Variants in PLEKHG3 observed in about 807,000 individuals in gnomAD.
PLEKHG3 encodes the protein pleckstrin homology and RhoGEF domain containing G3, also known as pleckstrin homology domain-containing family G member 3.
Under a neutral mutation model 94.9 loss-of-function variants are expected in PLEKHG3, and 62 were observed. The ratio of observed to expected loss-of-function variants is 0.65; its 90% CI spans 0.53 to 0.81. The LOEUF (loss-of-function observed/expected upper bound fraction) is 0.81, where lower values mean the gene tolerates loss of function less well. Ranked by LOEUF, PLEKHG3 falls within the 30% of genes least tolerant of loss-of-function variation. The pLI is 0.00. For missense variants in PLEKHG3, 1,461 were observed against 1,619.3 expected (o/e 0.90, Z 1.68); for synonymous variants, 614 against 654.0 (o/e 0.94, Z 0.93).
At chr14:64,707,935 G>A (rs229659) in intron 1 of PLEKHG3, among the ~76,000 whole-genome samples, 23,766 of 152,206 alleles carry the variant, frequency 0.16, 2,005 homozygotes, top group African/African-American at 0.2. Context: ...GTGAGATAAC[G>A]TATGTTGAAT....
Position 64,749,545 on chromosome 14 carries a change from T to C in PLEKHG3, c.*5842T>C. 1 of 1,601,044 alleles carries C rather than the reference T, an allele frequency of 6.2e-7. No individual in the cohort carries two copies. The highest frequency in any genetic ancestry group is 1.1e-5 in the South Asian group (1 of 90,746). On this transcript the variant is annotated 3_prime_UTR_variant, in exon 17 of 17. Coordinates refer to ENST00000247226, the MANE Select transcript of PLEKHG3 (RefSeq NM_001308147.2). The surrounding 1 kb of genome is among the most constrained non-coding windows in gnomAD (Gnocchi z 4.7). Reference sequence around the variant, plus strand: ...CACCTCCCGGGCCAGGCAACAATGGTGGGGGCTCTTGGGACTGCCCCTTCT... The same window carrying C: ...CACCTCCCGGGCCAGGCAACAATGGCGGGGGCTCTTGGGACTGCCCCTTCT...
At chr14:64,737,917 G>T in intron 14 of PLEKHG3, 2 of 1,215,920 alleles carry the variant, frequency 1.6e-6, no homozygotes, top group Non-Finnish European at 2.1e-6. Flanking sequence ...CGTACTCGGG[G>T]CCTGCAGCCA....
intron 1 of PLEKHG3, among the ~76,000 whole-genome samples, chr14:64,709,335 G>C (rs1378966572): frequency 6.6e-6 from 1 of 152,204 alleles, no homozygotes; most frequent in Non-Finnish European, 1.5e-5. Flanking sequence ...TAGGTGGGCT[G>C]TTGCCATCTG....
At position 64,717,427 on chromosome 14, in the gene PLEKHG3, T is replaced by C. The variant is rs1354850888; in HGVS notation, c.-39-10166T>C. On this transcript the variant is annotated intron_variant, in intron 1 of 16. Coordinates refer to ENST00000247226, the MANE Select transcript of PLEKHG3 (RefSeq NM_001308147.2). The surrounding 1 kb of genome is among the most constrained non-coding windows in gnomAD (Gnocchi z 4.7). ...CCTCCAAGCCACCATTCTGATGGGC[T>C]TGGGAAGGGAAAGTGAGAACTGGGG... Among the ~76,000 whole-genome samples the C allele has an allele frequency of 6.6e-6, 1 of 152,084 alleles. No individual in the cohort carries two copies. Among genetic ancestry groups the C allele is most frequent in the African/African-American group, 2.4e-5 (1 of 41,414 alleles).
chr14:64,718,942 G>A lies in PLEKHG3; in HGVS notation c.-39-8651G>A, dbSNP rs2081216105. ...CAGGCCTGCGGTGCCCCCTGGCCCTGTTTCTCTCCAGCTCCCAGTAGTACA... is the reference window on the plus strand; with the variant it reads ...CAGGCCTGCGGTGCCCCCTGGCCCTATTTCTCTCCAGCTCCCAGTAGTACA... On this transcript the variant is annotated intron_variant, in intron 1 of 16. Transcript: ENST00000247226. The surrounding 1 kb of genome is among the most constrained non-coding windows in gnomAD (Gnocchi z 5.0). Among the ~76,000 whole-genome samples, 1 of 152,182 alleles carries A rather than the reference G, an allele frequency of 6.6e-6. No individual in the cohort carries two copies. The highest frequency in any genetic ancestry group is 1.5e-5 in the Non-Finnish European group (1 of 68,034).
In PLEKHG3 at chr14:64,745,733, C is replaced by A; in HGVS notation, c.*2030C>A. ...AGGTTGTCACTAGCCTCTGATCTTC[C>A]CTTGAAGAACCCGACTGGGGCTCTT... On this transcript the variant is annotated 3_prime_UTR_variant, in exon 17 of 17. Transcript: ENST00000247226. The surrounding 1 kb of genome is among the most constrained non-coding windows in gnomAD (Gnocchi z 5.0). The A allele has an allele frequency of 6.6e-6, 1 of 152,390 alleles. No homozygotes were observed. The highest frequency in any genetic ancestry group is 1.5e-5 in the Non-Finnish European group (1 of 68,066). 9.4% of individuals were successfully genotyped at this position (152,390 alleles called of 1,614,324 possible).
rs1485421809 is a variant in PLEKHG3, at chr14:64,733,045, G to A, written c.1345+144G>A. On this transcript the variant is annotated intron_variant, in intron 12 of 16. Coordinates refer to ENST00000247226, the MANE Select transcript of PLEKHG3 (RefSeq NM_001308147.2). ...CTAGAGCGGGGCTGGACACACACCT[G>A]GGGCTCATCCTCTCCCTGTGCTGGT... The A allele has an allele frequency of 4.0e-5, 24 of 598,734 alleles. No individual in the cohort carries two copies. In the East Asian group the frequency reaches 5.7e-4, roughly 14 times the overall value. The allele number at this position is 598,734 out of a possible 1,614,324, so 37.1% of individuals were successfully genotyped here.
chr14:64,719,872 C>CT (rs2081234091), intron 1 of PLEKHG3, among the ~76,000 whole-genome samples: 2 of 152,204 alleles, frequency 1.3e-5, no homozygotes, highest in African/African-American at 4.8e-5. Context: ...AGCAGCGGTC[C>CT]TGTGAACCTT....
In PLEKHG3 at chr14:64,743,385, A is replaced by G. The variant is rs2081760821; in HGVS notation, c.3342A>G (p.Gln1114=). 1.2e-6 allele frequency: 2 copies of G among 1,608,404 alleles called. No homozygotes were observed. The highest frequency in any genetic ancestry group is 1.3e-5 in the African/African-American group (1 of 74,842). Residue 1114 remains glutamine (Q), a synonymous_variant, in exon 17 of 17, where the codon CAA becomes CAG. Transcript: ENST00000247226. The surrounding 1 kb of genome is among the most constrained non-coding windows in gnomAD (Gnocchi z 7.2). The stretch of plus-strand genomic sequence containing the variant: ...GCCGGGGAGGCGGAGAGGCTGCCCA[A>G]TCCCCTGGGCCTCTGCCCCAGAGCA... ...KRGRGGGEAA[Q]SPGPLPQSKP... is the part of the protein sequence containing the mutation.
In PLEKHG3 at chr14:64,730,814, G is replaced by T. The variant is rs1452093143; in HGVS notation, c.582G>T (p.Leu194=). The change falls in exon 6 of 17, where the codon CTG becomes CTT. Residue 194 remains leucine (L), a synonymous_variant. Transcript: ENST00000247226. The surrounding 1 kb of genome is among the most constrained non-coding windows in gnomAD (Gnocchi z 5.4). ...CNNYPNSVAA[L]TECMRDKQQA... ...CCACTCCCAGCTCCGTGGCCGCCCTGACGGAATGCATGCGGGACAAGCAGC... is the reference window on the plus strand; with the variant it reads ...CCACTCCCAGCTCCGTGGCCGCCCTTACGGAATGCATGCGGGACAAGCAGC... 4.3e-6 allele frequency: 7 copies of T among 1,613,488 alleles called. No homozygotes were observed. Among genetic ancestry groups the T allele is most frequent in the Non-Finnish European group, 5.1e-6 (6 of 1,179,848 alleles).
Position 64,739,629 on chromosome 14 carries a change from A to G in PLEKHG3, c.1518+774A>G, listed in dbSNP as rs1049404645. Among the ~76,000 whole-genome samples the G allele has an allele frequency of 1.3e-5, 2 of 152,250 alleles. No homozygotes were observed. The stretch of plus-strand genomic sequence containing the variant: ...CAAAATCCCTTACTGCTACGTGGGT[A>G]GCTTAGTTATTGCTCACAGTTTTGG... On this transcript the variant is annotated intron_variant, in intron 15 of 16. Transcript: ENST00000247226. The surrounding 1 kb of genome is among the most constrained non-coding windows in gnomAD (Gnocchi z 4.1).
Position 64,743,658 on chromosome 14 carries a change from G to T in PLEKHG3, c.3615G>T (p.Val1205=). The change falls in exon 17 of 17, where the codon GTG becomes GTT. Residue 1205 remains valine (V), a synonymous_variant. Coordinates refer to ENST00000247226, the MANE Select transcript of PLEKHG3 (RefSeq NM_001308147.2). This position sits in a 1 kb window ranked among gnomAD's most constrained non-coding sequence, Gnocchi z 7.2. ...CAGACCCGAGCCAGCAGGGCAGAGT[G>T]AGAAACCTTAGAGAGAAGTTCCAGG... ...DPADPSQQGR[V]RNLREKFQAL... is the part of the protein sequence containing the mutation. 1 of 1,604,492 alleles carries T rather than the reference G, an allele frequency of 6.2e-7. No homozygotes were observed. Among genetic ancestry groups the T allele is most frequent in the South Asian group, 1.1e-5 (1 of 90,296 alleles).
chr14:64,750,081 G>C lies in PLEKHG3; in HGVS notation c.*6378G>C, dbSNP rs773116395. 6.2e-7 allele frequency: 1 copy of C among 1,614,186 alleles called. No individual in the cohort carries two copies. The highest frequency in any genetic ancestry group is 8.5e-7 in the Non-Finnish European group (1 of 1,180,034). The stretch of plus-strand genomic sequence containing the variant: ...TCCTCCCCATGGTAGGGCATCCCCA[G>C]GGCCAGGTTCTTGGCATCCTTGTAG... On this transcript the variant is annotated 3_prime_UTR_variant, in exon 17 of 17. Coordinates refer to ENST00000247226, the MANE Select transcript of PLEKHG3 (RefSeq NM_001308147.2).
In PLEKHG3 at chr14:64,748,427, G is replaced by A. The variant is rs1455868706; in HGVS notation, c.*4724G>A. 1 of 152,362 alleles carries A rather than the reference G, an allele frequency of 6.6e-6. No homozygotes were observed. Among genetic ancestry groups the A allele is most frequent in the Non-Finnish European group, 1.5e-5 (1 of 68,168 alleles). 9.4% of individuals were successfully genotyped at this position (152,362 alleles called of 1,614,324 possible). On this transcript the variant is annotated 3_prime_UTR_variant, in exon 17 of 17. Coordinates refer to ENST00000247226, the MANE Select transcript of PLEKHG3 (RefSeq NM_001308147.2). Reference sequence around the variant, plus strand: ...GAGGGTCCCAGCATTGAGAGGGAGAGCCTTAGGCAGTGTTGTGACGCACCT... The same window carrying A: ...GAGGGTCCCAGCATTGAGAGGGAGAACCTTAGGCAGTGTTGTGACGCACCT...
rs1286970013 is a variant in PLEKHG3, at chr14:64,720,389, AG to A, written c.-39-7202del. On this transcript the variant is annotated intron_variant, in intron 1 of 16. Transcript: ENST00000247226. This position sits in a 1 kb window ranked among gnomAD's most constrained non-coding sequence, Gnocchi z 4.1. ...GCAGTGACTAATGTGGAGACTCATT[AG>A]GCTAGGAGGAACTGGCTTTGGTCTT... 6.6e-6 allele frequency among the ~76,000 whole-genome samples: 1 copy of A among 152,212 alleles called. No homozygotes were observed. The highest frequency in any genetic ancestry group is 1.9e-4 in the East Asian group (1 of 5,192).
chr14:64,728,851 A>G lies in PLEKHG3; in HGVS notation c.352-145A>G. 2.0e-6 allele frequency: 1 copy of G among 511,384 alleles called. No homozygotes were observed. The allele number at this position is 511,384 out of a possible 1,614,324, so 31.7% of individuals were successfully genotyped here. On this transcript the variant is annotated intron_variant, in intron 2 of 16. Coordinates refer to ENST00000247226, the MANE Select transcript of PLEKHG3 (RefSeq NM_001308147.2). The surrounding 1 kb of genome is among the most constrained non-coding windows in gnomAD (Gnocchi z 5.9). ...AGTCACATTCTGGGGTTCCAAGTGG[A>G]CATGAATTTTGGGGTGGACACTGTC...
chr14:64,722,292 G>C lies in PLEKHG3; in HGVS notation c.-39-5301G>C, dbSNP rs1463248756. On this transcript the variant is annotated intron_variant, in intron 1 of 16. Coordinates refer to ENST00000247226, the MANE Select transcript of PLEKHG3 (RefSeq NM_001308147.2). The surrounding 1 kb of genome is among the most constrained non-coding windows in gnomAD (Gnocchi z 4.3). ...TGCAGTGGTGCGATCTCAGCTCACT[G>C]CAACCTCCTGGGTTCAAGCAATTCT... 6.6e-6 allele frequency among the ~76,000 whole-genome samples: 1 copy of C among 152,090 alleles called. No individual in the cohort carries two copies. Among genetic ancestry groups the C allele is most frequent in the Non-Finnish European group, 1.5e-5 (1 of 67,986 alleles).
At position 64,750,246 on chromosome 14, in the gene PLEKHG3, C is replaced by T; in HGVS notation, c.*6543C>T. 7.7e-7 allele frequency: 1 copy of T among 1,298,336 alleles called. No homozygotes were observed. Among genetic ancestry groups the T allele is most frequent in the Non-Finnish European group, 1.1e-6 (1 of 944,818 alleles). 80.4% of individuals were successfully genotyped at this position (1,298,336 alleles called of 1,614,324 possible). ...GCTTCACCATTAAAAAAAATTACAC[C>T]ATGTTTGTTCTGATACATAGTAACA... On this transcript the variant is annotated 3_prime_UTR_variant, in exon 17 of 17. Transcript: ENST00000247226.
At chr14:64,734,039 G>T (rs2139387414) in intron 12 of PLEKHG3, among the ~76,000 whole-genome samples, 1 of 152,302 alleles carries the variant, frequency 6.6e-6, no homozygotes, top group South Asian at 2.1e-4. Context: ...GTTGGGTTTT[G>T]ATTGGTGATG....
Sources: gnomAD v4.1 joint callset for allele counts (sites outside exome capture counted in the v4.1 genomes callset) on GRCh38, gnomAD v4.1.1 for gene constraint, Gnocchi (gnomAD v3.1) non-coding constraint, MANE v1.5 for transcripts, NCBI Gene and HGNC (gene_info 2026-07-23, HGNC 2026-07-21) for gene names.